The following TENM4 variants were observed in gnomAD, a reference collection of about 807,000 sequenced individuals.
TENM4 encodes teneurin transmembrane protein 4, also known as teneurin-4.
Under a neutral mutation model 243.3 loss-of-function variants are expected in TENM4, and 82 were observed. The observed-to-expected ratio is 0.34, with a 90% confidence interval of 0.28 to 0.40. The LOEUF (loss-of-function observed/expected upper bound fraction) is 0.40. Ranked by LOEUF, TENM4 falls within the 10% of genes least tolerant of loss-of-function variation. TENM4 has a pLI of 1.00. For synonymous variants in TENM4, 1,412 were observed against 1,456.3 expected (o/e 0.97, Z 0.69); for missense variants, 3,138 against 3,673.3 (o/e 0.85, Z 3.77).
intron 12 of TENM4, among the ~76,000 whole-genome samples, chr11:78,843,291 A>C (rs916496573): frequency 1.3e-5 from 2 of 152,150 alleles, no homozygotes; most frequent in African/African-American, 4.8e-5. Flanking sequence ...AAACATAAAA[A>C]TAAACATAGA....
chr11:79,327,634 G>A (rs1052008164), intron 1 of TENM4, among the ~76,000 whole-genome samples: 2 of 141,312 alleles, frequency 1.4e-5, no homozygotes, highest in Non-Finnish European at 3.1e-5. Flanking sequence ...ATAAAGCAGA[G>A]TCAGAATTGG....
chr11:78,858,351 T>A (rs377680206), intron 10 of TENM4, among the ~76,000 whole-genome samples: 1 of 85,996 alleles, frequency 1.2e-5, no homozygotes, highest in African/African-American at 3.7e-5. Flanking sequence ...AGAAATTGTC[T>A]TGAGTGTGTA....
chr11:79,086,961 A>C (rs959210162), intron 4 of TENM4, among the ~76,000 whole-genome samples: 2 of 152,016 alleles, frequency 1.3e-5, no homozygotes, highest in African/African-American at 4.8e-5. Flanking sequence ...ACCATTCTGT[A>C]CCTTTTTTTG....
At chr11:79,292,863 A>G (rs1856379844) in intron 2 of TENM4, among the ~76,000 whole-genome samples, 1 of 152,202 alleles carries the variant, frequency 6.6e-6, no homozygotes, top group Non-Finnish European at 1.5e-5. Flanking sequence ...AATATATATA[A>G]GGCACTTAGC....
chr11:78,935,042 T>TCG (rs1856754587), intron 6 of TENM4, among the ~76,000 whole-genome samples: 1 of 136,530 alleles, frequency 7.3e-6, no homozygotes, highest in African/African-American at 2.8e-5. Context: ...TCTCGCTCTG[T>TCG]CGCCCAGGCC....
intron 6 of TENM4, among the ~76,000 whole-genome samples, chr11:78,909,983 C>T (rs749217383): frequency 1.3e-5 from 2 of 152,174 alleles, no homozygotes; most frequent in Non-Finnish European, 2.9e-5. Flanking sequence ...GCTATAAGAA[C>T]CCCCTAGACT....
chr11:79,261,068 T>C (rs1363077036), intron 2 of TENM4, among the ~76,000 whole-genome samples: 2 of 152,226 alleles, frequency 1.3e-5, no homozygotes, highest in African/African-American at 4.8e-5. Context: ...CAATTTGCCA[T>C]GAGGCACAGG....
chr11:79,389,819 A>G (rs1024966189), intron 1 of TENM4, among the ~76,000 whole-genome samples: 4 of 152,236 alleles, frequency 2.6e-5, no homozygotes, highest in Non-Finnish European at 5.9e-5. Flanking sequence ...AATGTCATCA[A>G]TACAGATTTG....
rs1201390547 is a variant in TENM4 at position 78,704,157 on chromosome 11, G to GTGTATATA, written c.4210-1755_4210-1754insTATATACA. The stretch of plus-strand genomic sequence containing the variant: ...TGTATGTCTATGTGTATGTATGTGT[G>GTGTATATA]TCTATATATATATATATATATATAT... On this transcript the variant is annotated intron_variant, in intron 27 of 33. Coordinates refer to ENST00000278550, the MANE Select transcript of TENM4 (RefSeq NM_001098816.3). Among the ~76,000 whole-genome samples, 90 of 70,506 alleles carry GTGTATATA rather than the reference G, an allele frequency of 1.3e-3. 2 individuals are homozygous for GTGTATATA. The highest frequency in any genetic ancestry group is 5.2e-3 in the African/African-American group (87 of 16,670). 46.3% of individuals were successfully genotyped at this position (70,506 alleles called of 152,430 possible).
At chr11:78,840,529 C>G (rs1307249724) in intron 12 of TENM4, among the ~76,000 whole-genome samples, 1 of 152,184 alleles carries the variant, frequency 6.6e-6, no homozygotes, top group African/African-American at 2.4e-5. Context: ...GCTGGCGTTT[C>G]AACAGAAAGT....
chr11:78,792,511 T>C (rs1036755184), intron 15 of TENM4, among the ~76,000 whole-genome samples: 12 of 151,854 alleles, frequency 7.9e-5, no homozygotes, highest in African/African-American at 2.7e-4. Context: ...GTCAAACCCA[T>C]AGCACCACCC....
chr11:79,020,817 A>T (rs1858906395), intron 6 of TENM4, among the ~76,000 whole-genome samples: 1 of 152,208 alleles, frequency 6.6e-6, no homozygotes, highest in Non-Finnish European at 1.5e-5. Context: ...TTCAACCAAC[A>T]TCGCTGAGCA....
At chr11:79,030,712 T>C (rs1859207951) in intron 6 of TENM4, among the ~76,000 whole-genome samples, 1 of 152,140 alleles carries the variant, frequency 6.6e-6, no homozygotes, top group Non-Finnish European at 1.5e-5. Context: ...GGAGTGATCC[T>C]TCTTACTTAC....
intron 12 of TENM4, 105 bp from the exon 13 acceptor site, chr11:78,814,500 T>G: frequency 5.8e-6 from 5 of 868,780 alleles, no homozygotes; most frequent in Non-Finnish European, 8.9e-6. Context: ...ATTTGAGCTC[T>G]TGTGGCCCCG....
At chr11:78,908,730 G>A (rs1210635745) in intron 6 of TENM4, among the ~76,000 whole-genome samples, 1 of 152,198 alleles carries the variant, frequency 6.6e-6, no homozygotes, top group African/African-American at 2.4e-5. Flanking sequence ...AAAGATGAAA[G>A]CTCCTTTCTG....
intron 2 of TENM4, among the ~76,000 whole-genome samples, chr11:79,260,850 T>C (rs1213235012): frequency 1.3e-5 from 2 of 152,146 alleles, no homozygotes; most frequent in African/African-American, 4.8e-5. Flanking sequence ...CCCCAGATAA[T>C]GCCAAATCTT....
chr11:79,218,546 A>G lies in TENM4; in HGVS notation c.-264-2637T>C, dbSNP rs537122693. Among the ~76,000 whole-genome samples the G allele has an allele frequency of 3.9e-5, 6 of 152,156 alleles. No homozygotes were observed. In the South Asian group the frequency reaches 1.2e-3, roughly 32 times the overall value. ...ATCTCTCCCTTCCCCTCACAGCTTCAGGCCAAAGCTTGTGACTTGGCTTCT... is the reference window on the plus strand; with the variant it reads ...ATCTCTCCCTTCCCCTCACAGCTTCGGGCCAAAGCTTGTGACTTGGCTTCT... On this transcript the variant is annotated intron_variant, in intron 2 of 33. Coordinates refer to ENST00000278550, the MANE Select transcript of TENM4 (RefSeq NM_001098816.3).
At chr11:79,423,640 C>G (rs1858986634) in intron 1 of TENM4, among the ~76,000 whole-genome samples, 2 of 142,898 alleles carry the variant, frequency 1.4e-5, no homozygotes, top group South Asian at 2.2e-4. Flanking sequence ...TGCTCCAGAA[C>G]AAGGGGCGAG....
intron 15 of TENM4, among the ~76,000 whole-genome samples, chr11:78,787,361 G>A (rs951829225): frequency 6.6e-6 from 1 of 152,196 alleles, no homozygotes; most frequent in Non-Finnish European, 1.5e-5. Flanking sequence ...AGGAAGGATT[G>A]TAGGGCTCTG....
Sources: allele counts gnomAD v4.1 joint callset (sites outside exome capture counted in the v4.1 genomes callset), GRCh38; gene constraint gnomAD v4.1.1; transcripts MANE v1.5; gene names NCBI Gene and HGNC (gene_info 2026-07-23, HGNC 2026-07-21).